Variants in FUT9 observed in about 807,000 individuals in gnomAD.
FUT9 encodes fucosyltransferase 9, also known as 4-galactosyl-N-acetylglucosaminide 3-alpha-L-fucosyltransferase 9.
In FUT9, 15 loss-of-function variants were observed where a neutral mutation model predicts 29.7. The ratio of observed to expected loss-of-function variants is 0.51; its 90% CI spans 0.34 to 0.78. FUT9 has a LOEUF of 0.78. Ranked by LOEUF, FUT9 falls within the 30% of genes least tolerant of loss-of-function variation. The probability of loss-of-function intolerance (pLI) is 0.01; values close to 1 mark genes in which losing one functional copy is unlikely to be tolerated. For synonymous variants in FUT9, 169 were observed against 153.7 expected (o/e 1.10, Z -0.74); for missense variants, 319 against 425.4 (o/e 0.75, Z 2.20).
At chr6:96,016,518 A>T (rs1769981678) in intron 1 of FUT9, among the ~76,000 whole-genome samples, 1 of 152,092 alleles carries the variant, frequency 6.6e-6, no homozygotes. Flanking sequence ...CACCCCAAAC[A>T]GGGTCATCTC....
chr6:96,073,448 C>CAAAA (rs58982988), intron 1 of FUT9, among the ~76,000 whole-genome samples: 1 of 61,380 alleles, frequency 1.6e-5, no homozygotes, highest in African/African-American at 5.5e-5. Context: ...GACTCCGTCT[C>CAAAA]AAAAAAAAAA....
intron 2 of FUT9, among the ~76,000 whole-genome samples, chr6:96,173,260 A>T (rs548326533): frequency 1.3e-5 from 2 of 151,382 alleles, no homozygotes; most frequent in African/African-American, 4.9e-5. Context: ...TCTCTGTAGA[A>T]TTATGCCTTA....
Position 96,080,862 on chromosome 6 carries a change from A to G in FUT9, c.-97-33177A>G, listed in dbSNP as rs543020374. Reference sequence around the variant, plus strand: ...TATACATCTCAAAAATGGCAAGTCCAGATTCGAACTCTTATTTCATTGGTA... The same window carrying G: ...TATACATCTCAAAAATGGCAAGTCCGGATTCGAACTCTTATTTCATTGGTA... On this transcript the variant is annotated intron_variant, in intron 1 of 2. Coordinates refer to ENST00000302103, the MANE Select transcript of FUT9 (RefSeq NM_006581.4). Among the ~76,000 whole-genome samples the G allele has an allele frequency of 1.8e-4, 27 of 152,108 alleles. 1 individual carries two copies. In the South Asian group the frequency reaches 4.6e-3, roughly 26 times the overall value.
chr6:96,024,215 G>A (rs1770123127), intron 1 of FUT9, among the ~76,000 whole-genome samples: 1 of 151,770 alleles, frequency 6.6e-6, no homozygotes, highest in African/African-American at 2.4e-5. Context: ...CTAAAAGTCT[G>A]ATTCCCTTAT....
chr6:96,062,344 C>T (rs968019382), intron 1 of FUT9, among the ~76,000 whole-genome samples: 2 of 145,688 alleles, frequency 1.4e-5, no homozygotes, highest in African/African-American at 5.1e-5. Context: ...CTCTCTATAG[C>T]TGAGAGTCAA....
intron 2 of FUT9, among the ~76,000 whole-genome samples, chr6:96,143,106 C>A (rs1405609063): frequency 2.6e-5 from 4 of 152,150 alleles, no homozygotes; most frequent in Admixed American, 1.3e-4. Context: ...ACGTTGAAAA[C>A]CTCATCACCA....
rs1347369995 is a variant in FUT9 at position 96,203,321 on chromosome 6, A to AT, written c.166_167insT (p.Thr56IlefsTer4). ...GCTGAAAATGAAAAACTTCTTTTCC[A>AT]CCAAAACTGATTATTTTAATGAAAC... is the stretch of plus-strand genomic sequence containing the variant. On this transcript the variant is annotated frameshift_variant, in exon 3 of 3. Coordinates refer to ENST00000302103, the MANE Select transcript of FUT9 (RefSeq NM_006581.4). LOFTEE classifies it high-confidence loss of function. 1 of 1,613,916 alleles carries AT rather than the reference A, an allele frequency of 6.2e-7. No individual in the cohort carries two copies. The highest frequency in any genetic ancestry group is 8.5e-7 in the Non-Finnish European group (1 of 1,179,916).
At chr6:96,079,574 G>A (rs1330665071) in intron 1 of FUT9, among the ~76,000 whole-genome samples, 1 of 152,150 alleles carries the variant, frequency 6.6e-6, no homozygotes, top group East Asian at 1.9e-4. Flanking sequence ...ATTTTTAATG[G>A]AATATTGTTT....
intron 2 of FUT9, among the ~76,000 whole-genome samples, chr6:96,169,238 G>A (rs1222122920): frequency 1.3e-5 from 2 of 152,174 alleles, no homozygotes; most frequent in Non-Finnish European, 2.9e-5. Context: ...CAAATACGCT[G>A]ATATTAATTC....
intron 2 of FUT9, among the ~76,000 whole-genome samples, chr6:96,190,994 A>G (rs1190183729): frequency 6.6e-6 from 1 of 151,978 alleles, no homozygotes; most frequent in Non-Finnish European, 1.5e-5. Flanking sequence ...TGATTTTTAG[A>G]ATTTTCAGCT....
At chr6:96,063,537 C>G (rs1770912778) in intron 1 of FUT9, among the ~76,000 whole-genome samples, 1 of 152,112 alleles carries the variant, frequency 6.6e-6, no homozygotes, top group African/African-American at 2.4e-5. Context: ...ATCCAGACAC[C>G]TCCCACCAGG....
intron 1 of FUT9, among the ~76,000 whole-genome samples, chr6:96,042,090 C>T (rs775283705): frequency 3.9e-5 from 6 of 152,142 alleles, no homozygotes; most frequent in Non-Finnish European, 4.4e-5. Context: ...TTCACTCCCC[C>T]ACCATCCCGA....
chr6:96,114,792 A>G (rs955060654), intron 2 of FUT9, among the ~76,000 whole-genome samples: 4 of 152,174 alleles, frequency 2.6e-5, no homozygotes, highest in South Asian at 2.1e-4. Context: ...CTACAAAGCA[A>G]TAAGTGTTAC....
intron 2 of FUT9, among the ~76,000 whole-genome samples, chr6:96,128,399 T>C (rs1772171606): frequency 6.6e-6 from 1 of 152,204 alleles, no homozygotes; most frequent in Admixed American, 6.5e-5. Flanking sequence ...ACCTTACCAA[T>C]TAATTACCTG....
rs1046193409 is a variant in FUT9 at position 96,207,837 on chromosome 6, C to T, written c.*3602C>T. The T allele has an allele frequency of 6.0e-6, 1 of 166,674 alleles. No individual in the cohort carries two copies. The highest frequency in any genetic ancestry group is 2.4e-5 in the African/African-American group (1 of 41,336). 10.3% of individuals were successfully genotyped at this position (166,674 alleles called of 1,614,324 possible). A position where few individuals can be genotyped will look rare whatever the true frequency, so the allele number is the denominator to read the frequency against. ...TCAGTAAGAATAAATAAATGTTAAT[C>T]ATTATAGACCTTACTAATAAGAATA... On this transcript the variant is annotated 3_prime_UTR_variant, in exon 3 of 3. Transcript: ENST00000302103.
rs545306453 is a variant in FUT9, at chr6:96,054,740, C to T, written c.-98+38528C>T. On this transcript the variant is annotated intron_variant, in intron 1 of 2. Transcript: ENST00000302103. Reference sequence around the variant, plus strand: ...ACATATTACCTTATAAACTTGTTTGCAGTCCTAATCCCTTTGTATTTCAGT... The same window carrying T: ...ACATATTACCTTATAAACTTGTTTGTAGTCCTAATCCCTTTGTATTTCAGT... Among the ~76,000 whole-genome samples the T allele has an allele frequency of 7.2e-5, 11 of 152,244 alleles. No homozygotes were observed. In the East Asian group the frequency reaches 2.1e-3, roughly 29 times the overall value.
chr6:96,093,797 T>C (rs995149154), intron 1 of FUT9, among the ~76,000 whole-genome samples: 2 of 152,102 alleles, frequency 1.3e-5, no homozygotes, highest in East Asian at 1.9e-4. Flanking sequence ...ATCTGTGTAA[T>C]AGTCCTTCAG....
intron 2 of FUT9, among the ~76,000 whole-genome samples, chr6:96,153,835 T>C (rs1772727219): frequency 6.6e-6 from 1 of 152,206 alleles, no homozygotes; most frequent in African/African-American, 2.4e-5. Flanking sequence ...TTTATACCAT[T>C]TGCATTTTAA....
chr6:96,069,606 C>A (rs1157899265), intron 1 of FUT9, among the ~76,000 whole-genome samples: 4 of 130,706 alleles, frequency 3.1e-5, no homozygotes, highest in South Asian at 2.7e-4. Context: ...ACAGAACAAA[C>A]TATTATTTTT....
Sources: allele counts gnomAD v4.1 joint callset (sites outside exome capture counted in the v4.1 genomes callset), GRCh38; gene constraint gnomAD v4.1.1; transcripts MANE v1.5; gene names NCBI Gene and HGNC (gene_info 2026-07-23, HGNC 2026-07-21).